Variants in EPHA4 observed in about 807,000 individuals in gnomAD.
EPHA4 encodes the protein EPH receptor A4, also known as ephrin type-A receptor 4.
In EPHA4, 19 loss-of-function variants were observed where a neutral mutation model predicts 108.3. The observed-to-expected ratio is 0.18, with a 90% confidence interval of 0.12 to 0.26. EPHA4 has a LOEUF of 0.26. EPHA4 is among the 10% of genes least tolerant of loss of function. EPHA4 has a pLI of 1.00. For synonymous variants in EPHA4, 449 were observed against 455.5 expected (o/e 0.99, Z 0.18); for missense variants, 917 against 1,254.0 (o/e 0.73, Z 4.06).
In EPHA4 at chr2:221,456,709, G is replaced by A. The variant is rs371669849; in HGVS notation, c.1507C>T (p.Leu503=). Residue 503 remains leucine, a synonymous_variant, in exon 7 of 18, where the codon CTG becomes TTG. Coordinates refer to ENST00000281821, the MANE Select transcript of EPHA4 (RefSeq NM_004438.5). The part of the protein sequence containing the change: ...TAARNTDIKG[L]NPLTSYVFHV... ...AAAACATAGGAAGTGAGAGGGTTCAGGCCTTTGATATCTGTGTTCCTGGCA... is the reference window on the plus strand; with the variant it reads ...AAAACATAGGAAGTGAGAGGGTTCAAGCCTTTGATATCTGTGTTCCTGGCA... 9.9e-6 allele frequency: 16 copies of A among 1,613,836 alleles called. No individual in the cohort carries two copies. Among genetic ancestry groups the A allele is most frequent in the Middle Eastern group, 1.6e-4 (1 of 6,080 alleles).
chr2:221,545,854 A>G (rs140693443), intron 3 of EPHA4, among the ~76,000 whole-genome samples: 1 of 152,266 alleles, frequency 6.6e-6, no homozygotes, highest in East Asian at 1.9e-4. Flanking sequence ...AAGATTCTAC[A>G]CTTAAAGGCC....
intron 4 of EPHA4, among the ~76,000 whole-genome samples, chr2:221,494,892 A>C (rs1692257459): frequency 6.6e-6 from 1 of 151,962 alleles, no homozygotes; most frequent in South Asian, 2.1e-4. Flanking sequence ...AATAAAAATC[A>C]CATCAAAATC....
intron 3 of EPHA4, among the ~76,000 whole-genome samples, chr2:221,561,770 G>A (rs1462928956): frequency 1.3e-5 from 2 of 152,164 alleles, no homozygotes; most frequent in Admixed American, 1.3e-4. Flanking sequence ...CAATGTATGA[G>A]TTACTAGGCT....
Position 221,499,738 on chromosome 2 carries a change from ATATATATATATATATATATT to A in EPHA4, c.979+1259_979+1278del, listed in dbSNP as rs1282469620. Among the ~76,000 whole-genome samples, 26 of 52,068 alleles carry A rather than the reference ATATATATATATATATATATT, an allele frequency of 5.0e-4. No individual in the cohort carries two copies. The East Asian group carries it at 7.9e-3, about 16-fold the overall frequency. 34.2% of individuals were successfully genotyped at this position (52,068 alleles called of 152,430 possible). A position where few individuals can be genotyped will look rare whatever the true frequency, so the allele number is the denominator to read the frequency against. On this transcript the variant is annotated intron_variant, in intron 4 of 17. Transcript: ENST00000281821. ...CTAATATATATATATATATATATAT[ATATATATATATATATATATT>A]TTTTTTTTTTTTTTTTGAGACAGAG... is the stretch of plus-strand genomic sequence containing the variant.
intron 3 of EPHA4, among the ~76,000 whole-genome samples, chr2:221,515,042 G>A (rs180751977): frequency 1.5e-4 from 23 of 152,178 alleles, no homozygotes; most frequent in Admixed American, 4.6e-4. Flanking sequence ...ACTATAAAAG[G>A]CATGGGAAGT....
chr2:221,504,344 T>TGGAGGAGAAGGA (rs1559270126), intron 3 of EPHA4, among the ~76,000 whole-genome samples: 1 of 151,330 alleles, frequency 6.6e-6, no homozygotes, highest in Non-Finnish European at 1.5e-5. Context: ...TAAAAAAAGA[T>TGGAGGAGAAGGA]GGAGGAGGAG....
chr2:221,426,146 T>C lies in EPHA4; in HGVS notation c.2847-4A>G. The C allele has an allele frequency of 6.2e-7, 1 of 1,612,950 alleles. No homozygotes were observed. Among genetic ancestry groups the C allele is most frequent in the Non-Finnish European group, 8.5e-7 (1 of 1,179,008 alleles). ...GATACCAATTCTTGCCAGGTCCCTG[T>C]ACATAGGGCGACAAAAAAGGGACAG... On this transcript the variant is annotated splice_polypyrimidine_tract_variant and splice_region_variant and intron_variant, in intron 16 of 17. Transcript: ENST00000281821.
At chr2:221,557,093 A>G (rs1196116893) in intron 3 of EPHA4, among the ~76,000 whole-genome samples, 1 of 152,244 alleles carries the variant, frequency 6.6e-6, no homozygotes, top group Non-Finnish European at 1.5e-5. Context: ...GGCAAATAAC[A>G]TCTTAGTGTT....
chr2:221,512,733 G>A (rs1398495602), intron 3 of EPHA4, among the ~76,000 whole-genome samples: 2 of 152,182 alleles, frequency 1.3e-5, no homozygotes, highest in African/African-American at 4.8e-5. Flanking sequence ...TATTAGGTAT[G>A]TGCATTTATT....
intron 4 of EPHA4, among the ~76,000 whole-genome samples, chr2:221,484,673 G>C (rs1041120361): frequency 1.3e-5 from 2 of 152,142 alleles, no homozygotes; most frequent in East Asian, 3.9e-4. Flanking sequence ...GACTCTAAGA[G>C]CTACATAGGA....
chr2:221,526,944 AC>A (rs1693346748), intron 3 of EPHA4, among the ~76,000 whole-genome samples: 1 of 134,402 alleles, frequency 7.4e-6, no homozygotes, highest in South Asian at 2.4e-4. Context: ...ATCTGAATCT[AC>A]CCCCGTCTCT....
intron 5 of EPHA4, among the ~76,000 whole-genome samples, chr2:221,465,162 T>C (rs1019859132): frequency 6.6e-6 from 1 of 152,176 alleles, no homozygotes; most frequent in Non-Finnish European, 1.5e-5. Context: ...TACTGAAGGA[T>C]ACAATTGACT....
Position 221,431,488 on chromosome 2 carries a change from C to G in EPHA4, c.2497-1337G>C, listed in dbSNP as rs570310098. On this transcript the variant is annotated intron_variant, in intron 14 of 17. Coordinates refer to ENST00000281821, the MANE Select transcript of EPHA4 (RefSeq NM_004438.5). The stretch of plus-strand genomic sequence containing the variant: ...ATTAAGCCCTCTGATCCTTTTTCTC[C>G]TATGTATTTTGCCAATATCATGTAT... Among the ~76,000 whole-genome samples the G allele has an allele frequency of 2.0e-5, 3 of 152,298 alleles. No homozygotes were observed. In the South Asian group the frequency reaches 6.2e-4, roughly 32 times the overall value.
intron 2 of EPHA4, among the ~76,000 whole-genome samples, chr2:221,566,450 C>T (rs1694628419): frequency 1.3e-5 from 2 of 152,098 alleles, no homozygotes; most frequent in Non-Finnish European, 2.9e-5. Flanking sequence ...TTCCTTTGCT[C>T]TAATCCTGAA....
At chr2:221,568,133 A>C (rs990468517) in intron 2 of EPHA4, among the ~76,000 whole-genome samples, 1 of 152,238 alleles carries the variant, frequency 6.6e-6, no homozygotes, top group African/African-American at 2.4e-5. Flanking sequence ...TCAAGATTAC[A>C]GACACATAAA....
intron 5 of EPHA4, among the ~76,000 whole-genome samples, chr2:221,460,708 C>T (rs1390938388): frequency 6.6e-6 from 1 of 152,176 alleles, no homozygotes; most frequent in African/African-American, 2.4e-5. Context: ...ACCCCATTTC[C>T]AAAACAGCCT....
chr2:221,487,987 C>T (rs1003677985), intron 4 of EPHA4, among the ~76,000 whole-genome samples: 24 of 152,046 alleles, frequency 1.6e-4, no homozygotes, highest in African/African-American at 5.8e-4. Flanking sequence ...ATCTTTTGCA[C>T]AGGGGCCGGC....
chr2:221,437,250 C>G, intron 11 of EPHA4, 128 bp from the exon 12 acceptor site: 1 of 637,970 alleles, frequency 1.6e-6, no homozygotes, highest in Non-Finnish European at 2.7e-6. Context: ...TAAAACAAGC[C>G]AAGCTTATGC....
At chr2:221,540,067 G>C (rs889093542) in intron 3 of EPHA4, among the ~76,000 whole-genome samples, 6 of 152,096 alleles carry the variant, frequency 3.9e-5, no homozygotes, top group African/African-American at 1.4e-4. Context: ...TTACAGGTGT[G>C]TGCCACCATG....
Sources: allele counts gnomAD v4.1 joint callset (sites outside exome capture counted in the v4.1 genomes callset), GRCh38; gene constraint gnomAD v4.1.1; transcripts MANE v1.5; gene names NCBI Gene and HGNC (gene_info 2026-07-23, HGNC 2026-07-21).